STAB2: variants seen among roughly 807,000 people sequenced by gnomAD.
STAB2 encodes stabilin-2.
A neutral mutation model predicts 338.1 loss-of-function variants in STAB2; 288 were observed. The ratio of observed to expected loss-of-function variants is 0.85; its 90% CI spans 0.77 to 0.94. The LOEUF is 0.94. Ranked by LOEUF, STAB2 falls within the 40% of genes least tolerant of loss-of-function variation. The pLI is 0.00. For missense variants in STAB2, 3,141 were observed against 3,210.1 expected, an observed-to-expected ratio of 0.98 and a Z score of 0.52; for synonymous variants, 1,202 against 1,193.3, an observed-to-expected ratio of 1.01 and a Z score of -0.15.
In STAB2 at chr12:103,764,008, T is replaced by C. The variant is rs539922546; in HGVS notation, c.7605+400T>C. Among the ~76,000 whole-genome samples the C allele has an allele frequency of 1.6e-4, 25 of 151,950 alleles. No individual in the cohort carries two copies. In the East Asian group the frequency reaches 4.1e-3, roughly 25 times the overall value. On this transcript the variant is annotated intron_variant, in intron 68 of 68. Transcript: ENST00000388887. ...TGTCCTTTTTTTTTTTTCTTTGAGA[T>C]GGAGTCTCACTCTGTCACCCAGGCT...
rs182631331 is a variant in STAB2 at position 103,736,701 on chromosome 12, A to G, written c.5551-933A>G. The stretch of plus-strand genomic sequence containing the variant: ...CTCTATTTACCTGGTGAAAAAAACA[A>G]TGAACCTCAGAGAGGTTCAGTGACT... On this transcript the variant is annotated intron_variant, in intron 52 of 68. Transcript: ENST00000388887. 5.9e-5 allele frequency among the ~76,000 whole-genome samples: 9 copies of G among 152,202 alleles called. No homozygotes were observed. In the East Asian group the frequency reaches 1.2e-3, roughly 20 times the overall value.
In STAB2 at chr12:103,655,592, C is replaced by G; in HGVS notation, c.1734+11C>G. On this transcript the variant is annotated intron_variant, in intron 15 of 68. Transcript: ENST00000388887. ...CTCCTTTCTCCAGAGGTACCGTATT[C>G]TGCTTGCTCTGATGGCATCGTGTCA... 6.2e-7 allele frequency: 1 copy of G among 1,613,318 alleles called. No individual in the cohort carries two copies. Among genetic ancestry groups the G allele is most frequent in the Non-Finnish European group, 8.5e-7 (1 of 1,179,688 alleles).
rs548348925 is a variant in STAB2 at position 103,641,389 on chromosome 12, G to C, written c.1040+1133G>C. On this transcript the variant is annotated intron_variant, in intron 9 of 68. Coordinates refer to ENST00000388887, the MANE Select transcript of STAB2 (RefSeq NM_017564.10). ...CTGATGTTTCTTCAACCATAAAAGG[G>C]AGAGAACTATACCTCCCACCAGGGC... 2.0e-3 allele frequency among the ~76,000 whole-genome samples: 310 copies of C among 152,264 alleles called. 2 individuals are homozygous for C. Among genetic ancestry groups the C allele is most frequent in the African/African-American group, 7.1e-3 (297 of 41,552 alleles).
In STAB2 at chr12:103,689,894, C is replaced by T. The variant is rs144091265; in HGVS notation, c.3094C>T (p.Leu1032Phe). 2.8e-5 allele frequency: 45 copies of T among 1,614,034 alleles called. No individual in the cohort carries two copies. In the African/African-American group the frequency reaches 4.4e-4, roughly 16 times the overall value. ...TLSATSNLTVLVPSQQATEDM... is the reference protein window; with the variant it reads ...TLSATSNLTVFVPSQQATEDM... ...GTCAGCCACCTCAAACCTCACTGTC[C>T]TCGTGCCTTCCCAACAAGCTACTGA... Residue 1032 changes from leucine to phenylalanine, a missense_variant, in exon 29 of 69, where the codon CTC becomes TTC. Physicochemically the swap from Leu to Phe is conservative, Grantham distance 22. Transcript: ENST00000388887.
chr12:103,759,505 C>T (rs917328235), intron 65 of STAB2, among the ~76,000 whole-genome samples: 1 of 152,168 alleles, frequency 6.6e-6, no homozygotes, highest in Non-Finnish European at 1.5e-5. Context: ...GGATAATGAA[C>T]CCATTTTAAA....
At chr12:103,748,584 CCACACACA>C (rs34364589) in intron 58 of STAB2, among the ~76,000 whole-genome samples, 66 of 141,966 alleles carry the variant, frequency 4.6e-4, no homozygotes, top group Non-Finnish European at 7.4e-4. Context: ...TAACTCTACA[CCACACACA>C]CACACACACA....
intron 9 of STAB2, among the ~76,000 whole-genome samples, 157 bp from the exon 10 acceptor site, chr12:103,648,533 G>A (rs1873497645): frequency 6.6e-6 from 1 of 152,014 alleles, no homozygotes; most frequent in African/African-American, 2.4e-5. Flanking sequence ...TTCTTGAGGA[G>A]CTACTAGATG....
At chr12:103,764,597 AAGG>A (rs1370641007) in intron 68 of STAB2, among the ~76,000 whole-genome samples, 1 of 152,216 alleles carries the variant, frequency 6.6e-6, no homozygotes, top group African/African-American at 2.4e-5. Context: ...CTTTTTATAA[AAGG>A]AGAGAAATGT....
chr12:103,682,071 C>T (rs564524811), intron 25 of STAB2, among the ~76,000 whole-genome samples: 9 of 151,458 alleles, frequency 5.9e-5, no homozygotes, highest in African/African-American at 2.2e-4. Context: ...CAACCTATTA[C>T]AGTATCTGTC....
rs145848240 is a variant in STAB2 at position 103,755,764 on chromosome 12, C to A, written c.6987+46C>A. ...GTTTGCCTCAGGCAGGGAGGGGTTGCCTCAAAGCAGGTATTAGAGGGGTGA... is the reference window on the plus strand; with the variant it reads ...GTTTGCCTCAGGCAGGGAGGGGTTGACTCAAAGCAGGTATTAGAGGGGTGA... On this transcript the variant is annotated intron_variant, in intron 63 of 68. Coordinates refer to ENST00000388887, the MANE Select transcript of STAB2 (RefSeq NM_017564.10). 7.5e-5 allele frequency: 120 copies of A among 1,597,552 alleles called. No individual in the cohort carries two copies. In the African/African-American group the frequency reaches 1.1e-3, roughly 15 times the overall value.
At position 103,749,572 on chromosome 12, in the gene STAB2, G is replaced by C. The variant is rs188317418; in HGVS notation, c.6438+416G>C. Among the ~76,000 whole-genome samples, 430 of 151,872 alleles carry C rather than the reference G, an allele frequency of 2.8e-3. 2 individuals carry two copies. The highest frequency in any genetic ancestry group is 5.1e-3 in the Non-Finnish European group (345 of 67,960). On this transcript the variant is annotated intron_variant, in intron 59 of 68. Coordinates refer to ENST00000388887, the MANE Select transcript of STAB2 (RefSeq NM_017564.10). The stretch of plus-strand genomic sequence containing the variant: ...TGGCCGGGCACGGTGGCTCACGCCT[G>C]TAATCCCAGTACTTTGGGAGGCCGA...
intron 23 of STAB2, 135 bp downstream of exon 23, chr12:103,674,222 C>A: frequency 1.9e-6 from 2 of 1,036,426 alleles, no homozygotes; most frequent in Non-Finnish European, 2.7e-6. Context: ...TTATCTCCAG[C>A]TGACAGTGTG....
At chr12:103,591,602 T>C (rs1339714605) in intron 2 of STAB2, among the ~76,000 whole-genome samples, 2 of 152,254 alleles carry the variant, frequency 1.3e-5, no homozygotes, top group African/African-American at 4.8e-5. Context: ...TGGGTTTTAT[T>C]TAATTTGGAA....
At chr12:103,755,855 A>G (rs1443016471) in intron 63 of STAB2, 137 bp downstream of exon 63, 1 of 765,028 alleles carries the variant, frequency 1.3e-6, no homozygotes, top group Non-Finnish European at 2.1e-6. Flanking sequence ...GCCTGAATCT[A>G]AAGCCTAGTT....
chr12:103,667,017 GT>G, intron 19 of STAB2, among the ~76,000 whole-genome samples: 1 of 152,282 alleles, frequency 6.6e-6, no homozygotes, highest in South Asian at 2.1e-4. Context: ...TCTATTGGTG[GT>G]AAAAAGCAAA....
intron 28 of STAB2, among the ~76,000 whole-genome samples, chr12:103,688,593 T>A (rs1021895589): frequency 6.6e-6 from 1 of 152,230 alleles, no homozygotes; most frequent in African/African-American, 2.4e-5. Context: ...TGCTTAACTC[T>A]CAGCTCAACA....
intron 12 of STAB2, 44 bp downstream of exon 12, chr12:103,652,749 C>G: frequency 6.6e-7 from 1 of 1,504,334 alleles, no homozygotes; most frequent in East Asian, 2.4e-5. Context: ...AAATTATCCA[C>G]CAAGCCAATG....
intron 9 of STAB2, among the ~76,000 whole-genome samples, chr12:103,643,134 C>A (rs1250014773): frequency 1.3e-5 from 2 of 152,108 alleles, no homozygotes; most frequent in Admixed American, 6.5e-5. Context: ...CTTACTGTGT[C>A]CTCCCAAGGT....
intron 33 of STAB2, among the ~76,000 whole-genome samples, chr12:103,696,410 G>A (rs1438538602): frequency 6.6e-6 from 1 of 152,188 alleles, no homozygotes; most frequent in Non-Finnish European, 1.5e-5. Context: ...CTCATGTGGG[G>A]TTGGGGTGGG....
Sources: allele counts gnomAD v4.1 joint callset (sites outside exome capture counted in the v4.1 genomes callset), GRCh38; gene constraint gnomAD v4.1.1; transcripts MANE v1.5; gene names NCBI Gene and HGNC (gene_info 2026-07-23, HGNC 2026-07-21).